The following CLVS1 variants were observed in gnomAD, a reference collection of about 807,000 sequenced individuals.
CLVS1 encodes clavesin 1, also known as clavesin-1.
Under a neutral mutation model 33.1 loss-of-function variants are expected in CLVS1, and 10 were observed. That is an observed-to-expected ratio of 0.30 (90% CI 0.19 to 0.51). The LOEUF (loss-of-function observed/expected upper bound fraction) is 0.51. Among genes scored for constraint, CLVS1 ranks in the 20% least tolerant of loss-of-function variants. The pLI is 0.97. For missense variants in CLVS1, 343 were observed against 433.4 expected (o/e 0.79, Z 1.85); for synonymous variants, 163 against 166.1 (o/e 0.98, Z 0.14).
At chr8:61,268,167 TC>T (rs1354702177) in intron 2 of CLVS1, among the ~76,000 whole-genome samples, 107 of 33,942 alleles carry the variant, frequency 3.2e-3, no homozygotes, top group Non-Finnish European at 4.9e-3. Flanking sequence ...CCCACCCCCC[TC>T]CCCCCACCCC....
intron 2 of CLVS1, among the ~76,000 whole-genome samples, chr8:61,181,215 G>T (rs1807222389): frequency 6.6e-6 from 1 of 152,124 alleles, no homozygotes; most frequent in South Asian, 2.1e-4. Context: ...GCCAAATCAT[G>T]AGTGATCTCC....
At chr8:61,363,069 A>C (rs1813051923) in intron 2 of CLVS1, among the ~76,000 whole-genome samples, 1 of 152,162 alleles carries the variant, frequency 6.6e-6, no homozygotes, top group Non-Finnish European at 1.5e-5. Context: ...GTAAAATTTC[A>C]GATAGAACTT....
chr8:61,273,107 C>T (rs886960857), intron 2 of CLVS1, among the ~76,000 whole-genome samples: 1 of 149,910 alleles, frequency 6.7e-6, no homozygotes, highest in African/African-American at 2.5e-5. Flanking sequence ...CTGTTTTTTC[C>T]CCATCTTTGT....
At chr8:61,141,940 GTGTCCA>G (rs1452432227) in intron 2 of CLVS1, among the ~76,000 whole-genome samples, 1 of 152,178 alleles carries the variant, frequency 6.6e-6, no homozygotes, top group Non-Finnish European at 1.5e-5. Flanking sequence ...AGATTTGTAG[GTGTCCA>G]TCTTCCCTTA....
intron 2 of CLVS1, among the ~76,000 whole-genome samples, chr8:61,280,078 T>C (rs1462770800): frequency 6.6e-6 from 1 of 152,104 alleles, no homozygotes; most frequent in African/African-American, 2.4e-5. Context: ...CATTTTTAAA[T>C]TAGATGGATA....
At chr8:61,426,069 C>T (rs1815880921) in intron 3 of CLVS1, among the ~76,000 whole-genome samples, 1 of 152,114 alleles carries the variant, frequency 6.6e-6, no homozygotes, top group Non-Finnish European at 1.5e-5. Flanking sequence ...TCAGAAGAGA[C>T]CACAAGGAAT....
At chr8:61,280,538 A>C (rs1483853948) in intron 2 of CLVS1, among the ~76,000 whole-genome samples, 2 of 152,196 alleles carry the variant, frequency 1.3e-5, no homozygotes, top group Non-Finnish European at 2.9e-5. Flanking sequence ...TGTTACTTAA[A>C]CTCTTTATGA....
chr8:61,447,573 G>T (rs1344587468), intron 3 of CLVS1, among the ~76,000 whole-genome samples: 1 of 151,184 alleles, frequency 6.6e-6, no homozygotes, highest in East Asian at 1.9e-4. Context: ...ATTGTTCTAG[G>T]TATTATGTCA....
At chr8:61,086,035 C>CAAAAAAAAAAA (rs4033854) in intron 1 of CLVS1, among the ~76,000 whole-genome samples, 1 of 31,204 alleles carries the variant, frequency 3.2e-5, no homozygotes, top group African/African-American at 1.5e-4. Context: ...GACTCCCTCT[C>CAAAAAAAAAAA]AAAAAAAAAA....
At position 61,501,203 on chromosome 8, in the gene CLVS1, T is replaced by C. The variant is rs772526554; in HGVS notation, c.*1661T>C. ...CTTTTCTTATGTACCAAGACATAGATAGGTAAGAGAAATAAAGAATTGAAG... is the reference window on the plus strand; with the variant it reads ...CTTTTCTTATGTACCAAGACATAGACAGGTAAGAGAAATAAAGAATTGAAG... On this transcript the variant is annotated 3_prime_UTR_variant, in exon 6 of 6. Transcript: ENST00000325897. 1.4e-5 allele frequency: 2 copies of C among 146,986 alleles called. No homozygotes were observed. The highest frequency in any genetic ancestry group is 4.9e-5 in the African/African-American group (2 of 41,116). The allele number at this position is 146,986 out of a possible 1,614,324, so 9.1% of individuals were successfully genotyped here.
intron 2 of CLVS1, among the ~76,000 whole-genome samples, chr8:61,228,199 G>A (rs973865357): frequency 2.6e-5 from 4 of 152,030 alleles, no homozygotes; most frequent in African/African-American, 4.8e-5. Context: ...TAATTGACAA[G>A]TAAAAAATAT....
rs1188570634 is a variant in CLVS1 at position 61,499,942 on chromosome 8, G to GTATC, written c.*401_*404dup. On this transcript the variant is annotated 3_prime_UTR_variant, in exon 6 of 6. Transcript: ENST00000325897. ...AAATTAAGTGCATTTCCAAGTAAATGTATCAGAGTTAAACTGTACAGACAC... is the reference window on the plus strand; with the variant it reads ...AAATTAAGTGCATTTCCAAGTAAATGTATCTATCAGAGTTAAACTGTACAGACAC... The GTATC allele has an allele frequency of 5.7e-6, 1 of 175,118 alleles. No homozygotes were observed. Among genetic ancestry groups the GTATC allele is most frequent in the Admixed American group, 5.6e-5 (1 of 18,012 alleles). The allele number at this position is 175,118 out of a possible 1,614,324, so 10.8% of individuals were successfully genotyped here.
the CLVS1 span, among the ~76,000 whole-genome samples, chr8:61,048,184 A>C: frequency 6.6e-6 from 1 of 152,174 alleles, no homozygotes; most frequent in Non-Finnish European, 1.5e-5. Context: ...AAGAAAGGTA[A>C]CAAGGGCTCA....
At chr8:61,044,025 CTTG>C in the CLVS1 span, among the ~76,000 whole-genome samples, 1 of 152,156 alleles carries the variant, frequency 6.6e-6, no homozygotes, top group Admixed American at 6.5e-5. Context: ...ATATTCTGTA[CTTG>C]AGAATATTTC....
intron 3 of CLVS1, among the ~76,000 whole-genome samples, chr8:61,430,950 G>A (rs1430254455): frequency 1.3e-5 from 2 of 152,148 alleles, no homozygotes; most frequent in Non-Finnish European, 2.9e-5. Context: ...GAATAATAGA[G>A]ATTTCAAATG....
intron 1 of CLVS1, among the ~76,000 whole-genome samples, chr8:61,106,139 G>A (rs1805533872): frequency 6.6e-6 from 1 of 152,162 alleles, no homozygotes; most frequent in Non-Finnish European, 1.5e-5. Flanking sequence ...CTCCTTCCCT[G>A]GAAGAGGTGG....
chr8:61,331,789 G>GCAT (rs1554559744), intron 2 of CLVS1, among the ~76,000 whole-genome samples: 7,800 of 148,828 alleles, frequency 0.052, 496 homozygotes, highest in East Asian at 0.18. Flanking sequence ...ATTTCCTCCA[G>GCAT]CTTCTTCTTC....
intron 1 of CLVS1, among the ~76,000 whole-genome samples, chr8:61,106,170 C>T (rs1805534320): frequency 6.6e-6 from 1 of 152,180 alleles, no homozygotes; most frequent in Admixed American, 6.5e-5. Context: ...TGTAGGCTCT[C>T]AGTTCAGGTT....
chr8:61,001,738 T>G, the CLVS1 span, among the ~76,000 whole-genome samples: 1 of 152,228 alleles, frequency 6.6e-6, no homozygotes, highest in Non-Finnish European at 1.5e-5. Flanking sequence ...TTCCTTGGCA[T>G]GTATCCCAAG....
Sources: gnomAD v4.1 joint callset for allele counts (sites outside exome capture counted in the v4.1 genomes callset) on GRCh38, gnomAD v4.1.1 for gene constraint, MANE v1.5 for transcripts, NCBI Gene and HGNC (gene_info 2026-07-23, HGNC 2026-07-21) for gene names.